The following ARHGEF28 variants were observed in gnomAD, a reference collection of about 807,000 sequenced individuals.
ARHGEF28 encodes the protein Rho guanine nucleotide exchange factor 28, also known as 190 kDa guanine nucleotide exchange factor.
ARHGEF28 carries 152 observed loss-of-function variants against 206.6 expected under a neutral mutation model. That is an observed-to-expected ratio of 0.74 (90% CI 0.64 to 0.84). The LOEUF (loss-of-function observed/expected upper bound fraction) is 0.84. Among genes scored for constraint, ARHGEF28 ranks in the 40% least tolerant of loss-of-function variants. The pLI is 0.00. For synonymous variants in ARHGEF28, 763 were observed against 776.4 expected (o/e 0.98, Z 0.29); for missense variants, 2,028 against 2,073.2 (o/e 0.98, Z 0.42).
chr5:73,920,163 G>A (rs1763440626), intron 35 of ARHGEF28, among the ~76,000 whole-genome samples: 1 of 152,176 alleles, frequency 6.6e-6, no homozygotes, highest in African/African-American at 2.4e-5. Flanking sequence ...GGTTATCACA[G>A]GCAGGATAGA....
chr5:73,684,475 G>T (rs1043141459), intron 1 of ARHGEF28, among the ~76,000 whole-genome samples: 1 of 152,064 alleles, frequency 6.6e-6, no homozygotes, highest in African/African-American at 2.4e-5. Flanking sequence ...CCATCCATCC[G>T]TCAATGGACA....
At chr5:73,666,596 T>C (rs1393545066) in intron 1 of ARHGEF28, among the ~76,000 whole-genome samples, 1 of 152,204 alleles carries the variant, frequency 6.6e-6, no homozygotes, top group African/African-American at 2.4e-5. Flanking sequence ...ATGTGGATGC[T>C]GCCAAGATTT....
At chr5:73,764,296 T>C (rs1458105017) in intron 4 of ARHGEF28, among the ~76,000 whole-genome samples, 1 of 152,252 alleles carries the variant, frequency 6.6e-6, no homozygotes, top group African/African-American at 2.4e-5. Context: ...GGATTCTTAA[T>C]ATCTTATACT....
In ARHGEF28 at chr5:73,773,852, C is replaced by T. The variant is rs1342748316; in HGVS notation, c.476-3C>T. ...AATATGGTATGTGTTTTTTCCTCTT[C>T]AGTATCTTCTCACAGAGAATCTCTT... On this transcript the variant is annotated splice_polypyrimidine_tract_variant and splice_region_variant and intron_variant, in intron 4 of 35. Coordinates refer to ENST00000513042, the MANE Select transcript of ARHGEF28 (RefSeq NM_001177693.2). 1.9e-6 allele frequency: 3 copies of T among 1,587,404 alleles called. No homozygotes were observed. Among genetic ancestry groups the T allele is most frequent in the Admixed American group, 1.8e-5 (1 of 54,966 alleles).
chr5:73,717,752 G>A (rs969010641), intron 2 of ARHGEF28, among the ~76,000 whole-genome samples: 1 of 152,198 alleles, frequency 6.6e-6, no homozygotes, highest in Non-Finnish European at 1.5e-5. Flanking sequence ...TAGTGTATAA[G>A]CCTTTGAAAG....
chr5:73,798,085 T>G lies in ARHGEF28; in HGVS notation c.1024+2694T>G, dbSNP rs192245411. Reference sequence around the variant, plus strand: ...TTTATGCATTTATTGTTTTCTATTTTTTTTAAGTTGTTGTGGTACATTGGA... The same window carrying G: ...TTTATGCATTTATTGTTTTCTATTTGTTTTAAGTTGTTGTGGTACATTGGA... On this transcript the variant is annotated intron_variant, in intron 9 of 35. Transcript: ENST00000513042. 2.6e-3 allele frequency among the ~76,000 whole-genome samples: 391 copies of G among 152,338 alleles called. 1 individual carries two copies. The highest frequency in any genetic ancestry group is 8.7e-3 in the African/African-American group (360 of 41,574).
chr5:73,811,415 G>A (rs1295544906), intron 9 of ARHGEF28, among the ~76,000 whole-genome samples: 1 of 152,182 alleles, frequency 6.6e-6, no homozygotes, highest in African/African-American at 2.4e-5. Flanking sequence ...CAGTTGTCAT[G>A]TAAAGGTTCT....
intron 9 of ARHGEF28, among the ~76,000 whole-genome samples, chr5:73,796,234 G>C (rs1754798112): frequency 6.6e-6 from 1 of 152,206 alleles, no homozygotes; most frequent in Non-Finnish European, 1.5e-5. Context: ...ACAAGTGAGA[G>C]GCAGATGAGC....
chr5:73,749,839 G>A lies in ARHGEF28; in HGVS notation c.36G>A (p.Gly12=), dbSNP rs757452890. Residue 12 remains glycine (G), a splice_region_variant and synonymous_variant, in exon 3 of 36, where the codon GGG becomes GGA. Transcript: ENST00000513042. Reference sequence around the variant, plus strand: ...GCCCCGACTTATTCCTTTTTCAGGGGCAGATGATGATCTATGCGAAGTTTG... The same window carrying A: ...GCCCCGACTTATTCCTTTTTCAGGGACAGATGATGATCTATGCGAAGTTTG... The part of the protein sequence containing the change: ...ELSCSEAPLY[G]QMMIYAKFDK... The A allele has an allele frequency of 1.1e-5, 17 of 1,613,584 alleles. No individual in the cohort carries two copies. The African/African-American group carries it at 1.6e-4, about 15-fold the overall frequency.
At chr5:73,640,606 A>G (rs1341114873) in intron 1 of ARHGEF28, among the ~76,000 whole-genome samples, 1 of 152,208 alleles carries the variant, frequency 6.6e-6, no homozygotes, top group African/African-American at 2.4e-5. Context: ...TCTAAAATAC[A>G]GCTGTTCTTA....
Position 73,749,784 on chromosome 5 carries a change from C to G in ARHGEF28, c.34-53C>G, listed in dbSNP as rs186866991. On this transcript the variant is annotated intron_variant, in intron 2 of 35. Transcript: ENST00000513042. The stretch of plus-strand genomic sequence containing the variant: ...ACCCAGGTCCTTTGTATTGTGCTTT[C>G]TTAGAGCCAGGACAAGGAAGTCTGA... 671 of 1,601,286 alleles carry G rather than the reference C, an allele frequency of 4.2e-4. 4 individuals carry two copies. Among genetic ancestry groups the G allele is most frequent in the Middle Eastern group, 3.5e-3 (21 of 6,024 alleles).
intron 7 of ARHGEF28, among the ~76,000 whole-genome samples, chr5:73,785,022 G>C (rs1434162469): frequency 6.6e-6 from 1 of 152,138 alleles, no homozygotes; most frequent in Non-Finnish European, 1.5e-5. Flanking sequence ...TGGTGGGAAG[G>C]AGTGAGATAT....
chr5:73,723,907 G>A (rs962934393), intron 2 of ARHGEF28, among the ~76,000 whole-genome samples: 1 of 152,214 alleles, frequency 6.6e-6, no homozygotes, highest in Admixed American at 6.5e-5. Flanking sequence ...ACTCTCTGGA[G>A]TAGATTCTGG....
Position 73,883,823 on chromosome 5 carries a change from G to T in ARHGEF28, c.2994G>T (p.Leu998Phe). 6.3e-7 allele frequency: 1 copy of T among 1,579,352 alleles called. No homozygotes were observed. Residue 998 changes from leucine to phenylalanine, a missense_variant, in exon 24 of 36, where the codon TTG becomes TTT. Coordinates refer to ENST00000513042, the MANE Select transcript of ARHGEF28 (RefSeq NM_001177693.2). Reference protein sequence around the residue: ...RRRGIPECILLVTQRITKYPV... With the variant: ...RRRGIPECILFVTQRITKYPV... ...GAGGAATTCCAGAATGCATTCTGTT[G>T]GTCACTCAGCGTATTACAAAATACC...
intron 1 of ARHGEF28, among the ~76,000 whole-genome samples, chr5:73,671,799 A>C: frequency 2.1e-5 from 2 of 93,834 alleles, no homozygotes; most frequent in Admixed American, 1.7e-4. Context: ...TCTGTCACCC[A>C]GGCTGGAGTG....
chr5:73,875,903 G>A (rs1405261276), intron 22 of ARHGEF28, among the ~76,000 whole-genome samples: 2 of 152,096 alleles, frequency 1.3e-5, no homozygotes, highest in Admixed American at 6.5e-5. Flanking sequence ...GGCGATGCGG[G>A]CTCTTTTTTG....
At chr5:73,807,291 A>G (rs1010804946) in intron 9 of ARHGEF28, among the ~76,000 whole-genome samples, 1 of 152,124 alleles carries the variant, frequency 6.6e-6, no homozygotes, top group Non-Finnish European at 1.5e-5. Context: ...CATATGATTT[A>G]TTATTCAGAA....
intron 9 of ARHGEF28, among the ~76,000 whole-genome samples, chr5:73,820,828 C>T (rs987800763): frequency 1.3e-5 from 2 of 152,088 alleles, no homozygotes; most frequent in Non-Finnish European, 2.9e-5. Flanking sequence ...CTGAGAGTGG[C>T]CCAGGGAAGC....
intron 7 of ARHGEF28, among the ~76,000 whole-genome samples, chr5:73,791,875 T>TA (rs1455848338): frequency 6.6e-6 from 1 of 152,198 alleles, no homozygotes; most frequent in Non-Finnish European, 1.5e-5. Context: ...TTAATAGGCC[T>TA]TTAAAACAGA....
Sources: gnomAD v4.1 joint callset for allele counts (sites outside exome capture counted in the v4.1 genomes callset) on GRCh38, gnomAD v4.1.1 for gene constraint, MANE v1.5 for transcripts, NCBI Gene and HGNC (gene_info 2026-07-23, HGNC 2026-07-21) for gene names.